Variants in ITPR2 observed in about 807,000 individuals in gnomAD.
ITPR2 encodes inositol 1,4,5-trisphosphate-gated calcium channel ITPR2.
Under a neutral mutation model 317.1 loss-of-function variants are expected in ITPR2, and 207 were observed. The ratio of observed to expected loss-of-function variants is 0.65; its 90% CI spans 0.58 to 0.73. ITPR2 has a LOEUF of 0.73. Ranked by LOEUF, ITPR2 falls within the 30% of genes least tolerant of loss-of-function variation. The pLI, the probability that ITPR2 is intolerant of heterozygous loss-of-function variation, is 0.00. For missense variants in ITPR2, 2,613 were observed against 3,284.0 expected, an observed-to-expected ratio of 0.80 and a Z score of 4.99; for synonymous variants, 1,156 against 1,149.1, an observed-to-expected ratio of 1.01 and a Z score of -0.12.
At chr12:26,405,694 G>A (rs886383672) in intron 52 of ITPR2, among the ~76,000 whole-genome samples, 12 of 152,300 alleles carry the variant, frequency 7.9e-5, no homozygotes, top group African/African-American at 2.2e-4. Flanking sequence ...ACTGAGACAC[G>A]TTTGAAAGTA....
chr12:26,597,870 C>G (rs995989262), intron 30 of ITPR2, among the ~76,000 whole-genome samples: 5 of 152,042 alleles, frequency 3.3e-5, no homozygotes, highest in African/African-American at 1.2e-4. Flanking sequence ...TGGTGGGTAA[C>G]TAAGGACATA....
intron 31 of ITPR2, 63 bp from the exon 32 acceptor site, chr12:26,595,653 T>C (rs990746257): frequency 1.5e-5 from 19 of 1,273,864 alleles, no homozygotes; most frequent in Non-Finnish European, 1.9e-5. Flanking sequence ...CAAATATCAA[T>C]TATGAAAGGT....
chr12:26,768,882 T>C (rs886366390), intron 2 of ITPR2, among the ~76,000 whole-genome samples: 5 of 151,994 alleles, frequency 3.3e-5, no homozygotes, highest in African/African-American at 1.2e-4. Context: ...GTAAAAACCA[T>C]TTTTAGGGTA....
chr12:26,730,719 T>C (rs1949012183), intron 2 of ITPR2, among the ~76,000 whole-genome samples: 1 of 152,204 alleles, frequency 6.6e-6, no homozygotes, highest in Admixed American at 6.5e-5. Context: ...TGAACAGTTA[T>C]GGAAGGAAAT....
intron 2 of ITPR2, among the ~76,000 whole-genome samples, chr12:26,752,199 T>C (rs1949435407): frequency 6.6e-6 from 1 of 152,196 alleles, no homozygotes; most frequent in Admixed American, 6.5e-5. Flanking sequence ...CATTCTCAGT[T>C]CAGATAATGA....
At chr12:26,474,503 G>T (rs115529325) in intron 45 of ITPR2, among the ~76,000 whole-genome samples, 1,576 of 152,260 alleles carry the variant, frequency 0.01, 22 homozygotes, top group African/African-American at 0.036. Context: ...TCCTTCAAAA[G>T]AATTTAAAGG....
At position 26,674,355 on chromosome 12, in the gene ITPR2, C is replaced by T. The variant is rs1310237877; in HGVS notation, c.1409+7519G>A. 5.9e-5 allele frequency among the ~76,000 whole-genome samples: 9 copies of T among 152,210 alleles called. No individual in the cohort carries two copies. The South Asian group carries it at 1.0e-3, about 18-fold the overall frequency. On this transcript the variant is annotated intron_variant, in intron 13 of 56. Transcript: ENST00000381340. ...ACTGGTACCAAAACAGAGATATAGACCAATGGAACAGAACAGAGCCCTCAG... is the reference window on the plus strand; with the variant it reads ...ACTGGTACCAAAACAGAGATATAGATCAATGGAACAGAACAGAGCCCTCAG...
In ITPR2 at chr12:26,715,346, G is replaced by A; in HGVS notation, c.808C>T (p.Gln270Ter). Residue 270 changes from glutamine (Q) to a stop codon, truncating the protein, a stop_gained, in exon 8 of 57, where the codon CAA becomes TAA. Coordinates refer to ENST00000381340, the MANE Select transcript of ITPR2 (RefSeq NM_002223.4). LOFTEE classifies it high-confidence loss of function. ...QHIFLRTTLR[Q>*]SATSATSSKA... is the part of the protein sequence containing the mutation. ...GAACTAGTAGCAGAAGTAGCTGATT[G>A]GCGCAAGGTCGTACGAAGGAAAATG... The A allele has an allele frequency of 6.2e-7, 1 of 1,613,656 alleles. No homozygotes were observed. The highest frequency in any genetic ancestry group is 8.5e-7 in the Non-Finnish European group (1 of 1,179,688).
intron 21 of ITPR2, among the ~76,000 whole-genome samples, chr12:26,645,334 AC>A (rs1254710292): frequency 6.6e-6 from 1 of 152,224 alleles, no homozygotes; most frequent in Non-Finnish European, 1.5e-5. Context: ...CAAGAAGGAA[AC>A]CTACCACTGT....
At chr12:26,670,247 C>T (rs1306181575) in intron 13 of ITPR2, among the ~76,000 whole-genome samples, 12 of 152,234 alleles carry the variant, frequency 7.9e-5, no homozygotes, top group Admixed American at 7.8e-4. Flanking sequence ...ACTGCCTCCT[C>T]AAGTGGGTCC....
intron 2 of ITPR2, among the ~76,000 whole-genome samples, chr12:26,728,506 C>A (rs1948973371): frequency 6.6e-6 from 1 of 152,158 alleles, no homozygotes; most frequent in Non-Finnish European, 1.5e-5. Context: ...TGCATGGGAA[C>A]TAATCTTGCA....
At chr12:26,462,601 A>T (rs1942063888) in intron 45 of ITPR2, among the ~76,000 whole-genome samples, 1 of 151,886 alleles carries the variant, frequency 6.6e-6, no homozygotes, top group Non-Finnish European at 1.5e-5. Flanking sequence ...CTGTCCTGAC[A>T]TTCTGTCCTA....
chr12:26,475,387 C>T lies in ITPR2; in HGVS notation c.6251G>A (p.Gly2084Glu). Residue 2084 changes from glycine to glutamate, a missense_variant, in exon 45 of 57, where the codon GGA (glycine) becomes GAA (glutamate). Gly to Glu is a moderately conservative substitution (Grantham distance 98). Around this residue, in one of 9 missense-constraint regions of ITPR2, gnomAD observed 926 missense variants for 1,072.8 expected, o/e 0.86. Transcript: ENST00000381340. ...ATCATCCCCATGGTCACATTCCAAT[C>T]CTTGGTTATAGGCATTCTTCATCAC... is the stretch of plus-strand genomic sequence containing the variant. ...VDVMKNAYNQ[G>E]LECDHGDDEG... is the part of the protein sequence containing the mutation. The T allele has an allele frequency of 3.1e-6, 5 of 1,613,800 alleles. No individual in the cohort carries two copies. Among genetic ancestry groups the T allele is most frequent in the Non-Finnish European group, 4.2e-6 (5 of 1,179,858 alleles).
chr12:26,344,612 T>C (rs1216421058), intron 55 of ITPR2, among the ~76,000 whole-genome samples: 3 of 150,526 alleles, frequency 2.0e-5, no homozygotes, highest in African/African-American at 4.9e-5. Flanking sequence ...CAGTGGACCA[T>C]AGCTGGTGCC....
intron 2 of ITPR2, among the ~76,000 whole-genome samples, chr12:26,736,300 G>A (rs1949117347): frequency 6.6e-6 from 1 of 152,130 alleles, no homozygotes; most frequent in African/African-American, 2.4e-5. Context: ...GCTTACCAAC[G>A]ACTGGGAAAA....
At chr12:26,785,519 C>T (rs1281081345) in intron 2 of ITPR2, among the ~76,000 whole-genome samples, 2 of 56,632 alleles carry the variant, frequency 3.5e-5, no homozygotes, top group African/African-American at 1.0e-4. Flanking sequence ...GTGAGGACCC[C>T]TCTGCCCGGC....
intron 10 of ITPR2, among the ~76,000 whole-genome samples, chr12:26,687,040 C>G (rs1389908630): frequency 2.0e-5 from 3 of 152,150 alleles, no homozygotes; most frequent in African/African-American, 7.2e-5. Context: ...GAGTTCATAC[C>G]TAACTCCCCA....
At chr12:26,496,462 T>C (rs899127588) in intron 37 of ITPR2, among the ~76,000 whole-genome samples, 2 of 152,202 alleles carry the variant, frequency 1.3e-5, no homozygotes, top group Non-Finnish European at 2.9e-5. Context: ...CATCTTCTCC[T>C]TAGTTGCACA....
chr12:26,794,145 A>G (rs1950388755), intron 1 of ITPR2, among the ~76,000 whole-genome samples: 1 of 152,194 alleles, frequency 6.6e-6, no homozygotes, highest in Non-Finnish European at 1.5e-5. Flanking sequence ...CAACAATTAG[A>G]TCTTCGAAAG....
Sources: allele counts gnomAD v4.1 joint callset (sites outside exome capture counted in the v4.1 genomes callset), GRCh38; gene constraint gnomAD v4.1.1; regional missense constraint gnomAD v4.1.1; transcripts MANE v1.5; gene names NCBI Gene and HGNC (gene_info 2026-07-23, HGNC 2026-07-21).